Variants in ZNF737 observed in about 807,000 individuals in gnomAD.
ZNF737 encodes zinc finger protein 102 (Y3).
A neutral mutation model predicts 11.7 loss-of-function variants in ZNF737; 13 were observed. The ratio of observed to expected loss-of-function variants is 1.11; its 90% CI spans 0.73 to 1.77. The LOEUF is 1.77. Ranked by LOEUF, ZNF737 falls within the 40% of genes most tolerant of loss-of-function variation. ZNF737 has a pLI of 0.00. For missense variants in ZNF737, 636 were observed against 638.0 expected (o/e 1.00, Z 0.03); for synonymous variants, 217 against 216.2 (o/e 1.00, Z -0.03).
chr19:20,538,655 A>G lies in ZNF737; in HGVS notation c.*5937T>C. On this transcript the variant is annotated 3_prime_UTR_variant, in exon 4 of 4. Coordinates refer to ENST00000427401, the MANE Select transcript of ZNF737 (RefSeq NM_001159293.2). ...ACAAACATTTCTAAAACCATTATGG[A>G]CCCTGAGTAATTCAGGGGGAATTGG... 1 of 984,590 alleles carries G rather than the reference A, an allele frequency of 1.0e-6. No homozygotes were observed. Among genetic ancestry groups the G allele is most frequent in the Non-Finnish European group, 1.2e-6 (1 of 829,168 alleles). The allele number at this position is 984,590 out of a possible 1,614,324, so 61.0% of individuals were successfully genotyped here. A position where few individuals can be genotyped will look rare whatever the true frequency, so the allele number is the denominator to read the frequency against.
Position 20,544,012 on chromosome 19 carries a change from C to G in ZNF737, c.*580G>C. On this transcript the variant is annotated 3_prime_UTR_variant, in exon 4 of 4. Transcript: ENST00000427401. ...GCATGTTGGAGGACACCTGTAATCCCAGCTACTCAGGAAGCTGAGGTAGGA... is the reference window on the plus strand; with the variant it reads ...GCATGTTGGAGGACACCTGTAATCCGAGCTACTCAGGAAGCTGAGGTAGGA... The G allele has an allele frequency of 3.2e-6, 2 of 634,786 alleles. No individual in the cohort carries two copies. Among genetic ancestry groups the G allele is most frequent in the Non-Finnish European group, 3.9e-6 (2 of 510,334 alleles). 39.3% of individuals were successfully genotyped at this position (634,786 alleles called of 1,614,324 possible). A position where few individuals can be genotyped will look rare whatever the true frequency, so the allele number is the denominator to read the frequency against.
At chr19:20,551,658 T>C (rs991963748) in intron 3 of ZNF737, among the ~76,000 whole-genome samples, 1 of 150,718 alleles carries the variant, frequency 6.6e-6, no homozygotes, top group Non-Finnish European at 1.5e-5. Context: ...TCTGATAAAA[T>C]AGAGGAAGAA....
chr19:20,560,226 A>G (rs1264179988), intron 1 of ZNF737, among the ~76,000 whole-genome samples: 2 of 150,832 alleles, frequency 1.3e-5, no homozygotes, highest in Non-Finnish European at 2.9e-5. Flanking sequence ...GCCCGCGTGT[A>G]GTCCAAGCTA....
chr19:20,538,159 G>A lies in ZNF737; in HGVS notation c.*6433C>T, dbSNP rs1555754291. ...AATAGTAACTTCTCTTAGAAGCAAA[G>A]TTTATTCAAAGACCTGTGCTAACAT... On this transcript the variant is annotated 3_prime_UTR_variant, in exon 4 of 4. Coordinates refer to ENST00000427401, the MANE Select transcript of ZNF737 (RefSeq NM_001159293.2). 1 of 319,750 alleles carries A rather than the reference G, an allele frequency of 3.1e-6. No individual in the cohort carries two copies. Among genetic ancestry groups the A allele is most frequent in the Non-Finnish European group, 4.5e-6 (1 of 221,626 alleles). The allele number at this position is 319,750 out of a possible 1,614,324, so 19.8% of individuals were successfully genotyped here. A position where few individuals can be genotyped will look rare whatever the true frequency, so the allele number is the denominator to read the frequency against.
At chr19:20,531,374 T>C (rs1019002784), downstream of ZNF737, among the ~76,000 whole-genome samples, 3 of 149,976 alleles carry the variant, frequency 2.0e-5, no homozygotes, top group Non-Finnish European at 3.0e-5. Context: ...CTATATGGTG[T>C]ATCTATTAAC....
downstream of ZNF737, among the ~76,000 whole-genome samples, chr19:20,534,124 T>G (rs1299496539): frequency 6.7e-6 from 1 of 150,170 alleles, no homozygotes; most frequent in Non-Finnish European, 1.5e-5. Flanking sequence ...TTAAATTATC[T>G]AAGCTGAGTT....
chr19:20,534,632 G>A (rs1323658848), downstream of ZNF737, among the ~76,000 whole-genome samples: 1 of 149,742 alleles, frequency 6.7e-6, no homozygotes, highest in African/African-American at 2.5e-5. Flanking sequence ...TAATTTTTCT[G>A]AAGAATTTAA....
rs1968300960 is a variant in ZNF737 at position 20,543,431 on chromosome 19, A to C, written c.*1161T>G. 1.0e-6 allele frequency: 1 copy of C among 986,098 alleles called. No individual in the cohort carries two copies. The highest frequency in any genetic ancestry group is 4.7e-5 in the South Asian group (1 of 21,326). The allele number at this position is 986,098 out of a possible 1,614,324, so 61.1% of individuals were successfully genotyped here. ...TCACTTTAAAGGCTTATACTTGCTG[A>C]AAGTTTTGACAGTAATTGCCATTTT... On this transcript the variant is annotated 3_prime_UTR_variant, in exon 4 of 4. Transcript: ENST00000427401.
chr19:20,549,525 G>T (rs73012616), intron 3 of ZNF737, among the ~76,000 whole-genome samples: 9,982 of 152,034 alleles, frequency 0.066, 386 homozygotes, highest in Middle Eastern at 0.17. Context: ...CTACCCAGGA[G>T]GTCAAGGCAG....
In ZNF737 at chr19:20,540,854, T is replaced by C. The variant is rs1180614815; in HGVS notation, c.*3738A>G. On this transcript the variant is annotated 3_prime_UTR_variant, in exon 4 of 4. Transcript: ENST00000427401. ...ATTAACTACTTTTTAGTTTTATTCATTACAAATAACTATTTTTCTGGCTTA... is the reference window on the plus strand; with the variant it reads ...ATTAACTACTTTTTAGTTTTATTCACTACAAATAACTATTTTTCTGGCTTA... 38 of 942,582 alleles carry C rather than the reference T, an allele frequency of 4.0e-5. No individual in the cohort carries two copies. Among genetic ancestry groups the C allele is most frequent in the Non-Finnish European group, 4.7e-5 (37 of 791,148 alleles). 58.4% of individuals were successfully genotyped at this position (942,582 alleles called of 1,614,324 possible). A position where few individuals can be genotyped will look rare whatever the true frequency, so the allele number is the denominator to read the frequency against.
At chr19:20,548,981 CAATT>C (rs1344463477) in intron 3 of ZNF737, among the ~76,000 whole-genome samples, 4 of 93,338 alleles carry the variant, frequency 4.3e-5, no homozygotes, top group Admixed American at 1.1e-4. Context: ...AAAAAAAAAA[CAATT>C]ATGTATCTTT....
Position 20,545,398 on chromosome 19 carries a change from A to C in ZNF737, c.805T>G (p.Ser269Ala). The change falls in exon 4 of 4, where the codon TCC (serine) becomes GCC (alanine). Residue 269 changes from serine (S) to alanine (A), a missense_variant. Coordinates refer to ENST00000427401, the MANE Select transcript of ZNF737 (RefSeq NM_001159293.2). ...ATCTTATGTGTAGTAAGGTTAGAGGAGCGCTTAAAGGCCTTGCCACATTCT... is the reference window on the plus strand; with the variant it reads ...ATCTTATGTGTAGTAAGGTTAGAGGCGCGCTTAAAGGCCTTGCCACATTCT... ...CEECGKAFKR[S>A]SNLTTHKIIH... The C allele has an allele frequency of 6.2e-7, 1 of 1,613,724 alleles. No individual in the cohort carries two copies. Among genetic ancestry groups the C allele is most frequent in the Non-Finnish European group, 8.5e-7 (1 of 1,179,910 alleles).
intron 3 of ZNF737, chr19:20,551,332 G>C (rs1311063152): frequency 2.0e-5 from 3 of 151,464 alleles, no homozygotes; most frequent in Admixed American, 1.3e-4. Flanking sequence ...AGCAGGCTGA[G>C]GCAAGAGAAC....
rs1051390242 is a variant in ZNF737 at position 20,544,156 on chromosome 19, T to C, written c.*436A>G. On this transcript the variant is annotated 3_prime_UTR_variant, in exon 4 of 4. Transcript: ENST00000427401. The stretch of plus-strand genomic sequence containing the variant: ...AAAAAAAAATATTGAAAACTTGTTA[T>C]AGGATTTGCCACATTCCTCAAACTT... 1.5e-5 allele frequency: 15 copies of C among 1,005,516 alleles called. No homozygotes were observed. Among genetic ancestry groups the C allele is most frequent in the East Asian group, 2.1e-4 (2 of 9,328 alleles). 62.3% of individuals were successfully genotyped at this position (1,005,516 alleles called of 1,614,324 possible). A position where few individuals can be genotyped will look rare whatever the true frequency, so the allele number is the denominator to read the frequency against.
chr19:20,545,531 A>C lies in ZNF737; in HGVS notation c.672T>G (p.Thr224=). The C allele has an allele frequency of 3.1e-6, 5 of 1,613,612 alleles. No individual in the cohort carries two copies. Among genetic ancestry groups the C allele is most frequent in the Non-Finnish European group, 4.2e-6 (5 of 1,179,822 alleles). The change falls in exon 4 of 4, where the codon ACT becomes ACG. Residue 224 remains threonine, a synonymous_variant. Transcript: ENST00000427401. Reference sequence around the variant, plus strand: ...CTTCACATTTGTACCGTTTCTCTCCAGTATGAATTCTCTTATGTGTAGTAA... The same window carrying C: ...CTTCACATTTGTACCGTTTCTCTCCCGTATGAATTCTCTTATGTGTAGTAA... ...SHLTTHKRIH[T]GEKRYKCEDC...
chr19:20,530,359 G>A, the ZNF737 span, among the ~76,000 whole-genome samples: 2 of 143,022 alleles, frequency 1.4e-5, no homozygotes, highest in African/African-American at 5.2e-5. Flanking sequence ...CGGGCGGGGG[G>A]CTGACCCCCC....
chr19:20,558,783 A>T (rs1812642), intron 1 of ZNF737, among the ~76,000 whole-genome samples: 75,551 of 152,008 alleles, frequency 0.5, 19,266 homozygotes, highest in Middle Eastern at 0.57. Flanking sequence ...ATTGTGAGGG[A>T]ATTTCCAGTG....
chr19:20,544,286 C>A lies in ZNF737; in HGVS notation c.*306G>T. 2.5e-6 allele frequency: 3 copies of A among 1,195,268 alleles called. No individual in the cohort carries two copies. Among genetic ancestry groups the A allele is most frequent in the Non-Finnish European group, 3.1e-6 (3 of 962,260 alleles). The allele number at this position is 1,195,268 out of a possible 1,614,324, so 74.0% of individuals were successfully genotyped here. ...GTAGGGTTTATGTTCCATATAAATT[C>A]TCATATTTAGTAAAAGTTGATAGCT... On this transcript the variant is annotated 3_prime_UTR_variant, in exon 4 of 4. Coordinates refer to ENST00000427401, the MANE Select transcript of ZNF737 (RefSeq NM_001159293.2).
downstream of ZNF737, among the ~76,000 whole-genome samples, chr19:20,531,252 AGAGGGGAGAGGG>A (rs1404920896): frequency 2.6e-5 from 3 of 113,996 alleles, no homozygotes; most frequent in South Asian, 3.6e-4. Flanking sequence ...GGGAGACGGG[AGAGGGGAGAGGG>A]GAGGGGAGAG....
Sources: allele counts gnomAD v4.1 joint callset (sites outside exome capture counted in the v4.1 genomes callset), GRCh38; gene constraint gnomAD v4.1.1; transcripts MANE v1.5; gene names NCBI Gene and HGNC (gene_info 2026-07-23, HGNC 2026-07-21).